The following NELL1 variants were observed in gnomAD, a reference collection of about 807,000 sequenced individuals.
NELL1 encodes the protein protein kinase C-binding protein NELL1.
Under a neutral mutation model 107.4 loss-of-function variants are expected in NELL1, and 76 were observed. The observed-to-expected ratio is 0.71, with a 90% CI of 0.59 to 0.86. The LOEUF (loss-of-function observed/expected upper bound fraction) is 0.86. NELL1 is among the 40% of genes least tolerant of loss of function. The pLI is 0.00. For synonymous variants in NELL1, 353 were observed against 341.2 expected (o/e 1.03, Z -0.38); for missense variants, 1,024 against 1,005.5 (o/e 1.02, Z -0.25).
At chr11:21,398,516 T>C (rs1852029458) in intron 15 of NELL1, among the ~76,000 whole-genome samples, 1 of 151,488 alleles carries the variant, frequency 6.6e-6, no homozygotes, top group African/African-American at 2.4e-5. Flanking sequence ...ATAAATTAGG[T>C]TTGGAAAGAA....
chr11:20,796,537 A>C (rs1231588742), intron 3 of NELL1, among the ~76,000 whole-genome samples: 1 of 71,926 alleles, frequency 1.4e-5, no homozygotes, highest in Admixed American at 1.9e-4. Context: ...AGCAAATTGG[A>C]GACTTGCCCT....
In NELL1 at chr11:20,812,735, G is replaced by A. The variant is rs191159063; in HGVS notation, c.335+28905G>A. Among the ~76,000 whole-genome samples, 202 of 152,196 alleles carry A rather than the reference G, an allele frequency of 1.3e-3. 3 individuals carry two copies. Among genetic ancestry groups the A allele is most frequent in the Admixed American group, 0.012 (183 of 15,296 alleles). ...AAAAGAAATAGCAGAGGGGCCGGGC[G>A]CGGTGGCTCACGCCTGTAATCCCAG... On this transcript the variant is annotated intron_variant, in intron 3 of 19. Coordinates refer to ENST00000357134, the MANE Select transcript of NELL1 (RefSeq NM_006157.5).
chr11:21,137,431 T>C (rs965764227), intron 13 of NELL1, among the ~76,000 whole-genome samples: 1 of 152,204 alleles, frequency 6.6e-6, no homozygotes, highest in African/African-American at 2.4e-5. Context: ...AATTCCATTG[T>C]ATTTGGCAAG....
chr11:21,070,085 C>T (rs1029466265), intron 12 of NELL1, among the ~76,000 whole-genome samples: 1 of 151,784 alleles, frequency 6.6e-6, no homozygotes, highest in African/African-American at 2.4e-5. Flanking sequence ...GTTTGCTCAT[C>T]TCACACCTCG....
chr11:21,396,557 G>A (rs1015062660), intron 15 of NELL1, among the ~76,000 whole-genome samples: 11 of 151,576 alleles, frequency 7.3e-5, no homozygotes, highest in African/African-American at 2.4e-4. Flanking sequence ...CTGAGTACTT[G>A]CCAAGTACAA....
chr11:21,053,853 C>T (rs554728458), intron 12 of NELL1, among the ~76,000 whole-genome samples: 8 of 152,214 alleles, frequency 5.3e-5, no homozygotes, highest in Admixed American at 2.6e-4. Flanking sequence ...CTTTCTGGAG[C>T]GAATGTGTCT....
At chr11:21,466,044 C>T (rs550036147) in intron 15 of NELL1, among the ~76,000 whole-genome samples, 6 of 152,182 alleles carry the variant, frequency 3.9e-5, no homozygotes, top group African/African-American at 1.4e-4. Context: ...GAAACATAGC[C>T]TTCTCATTTT....
chr11:21,214,440 A>G (rs1365027443), intron 13 of NELL1, among the ~76,000 whole-genome samples: 1 of 152,066 alleles, frequency 6.6e-6, no homozygotes, highest in African/African-American at 2.4e-5. Flanking sequence ...GAGTGAAGAT[A>G]TACTCAACAC....
At chr11:20,860,085 T>C (rs775034075) in intron 4 of NELL1, among the ~76,000 whole-genome samples, 26 of 152,202 alleles carry the variant, frequency 1.7e-4, no homozygotes, top group Non-Finnish European at 3.4e-4. Context: ...TTGAGTTCTT[T>C]AGAGGTATCA....
intron 5 of NELL1, among the ~76,000 whole-genome samples, chr11:20,904,914 G>T (rs917447111): frequency 6.6e-6 from 1 of 151,288 alleles, no homozygotes; most frequent in Non-Finnish European, 1.5e-5. Flanking sequence ...CTGCAGCCTT[G>T]ACCTCCTGGG....
intron 12 of NELL1, among the ~76,000 whole-genome samples, chr11:21,002,705 G>A (rs190083020): frequency 1.3e-3 from 200 of 152,250 alleles, no homozygotes; most frequent in African/African-American, 3.5e-3. Context: ...CTCATGTATT[G>A]TGGATCTAAG....
chr11:20,869,860 C>A (rs772606300), intron 4 of NELL1, among the ~76,000 whole-genome samples: 2 of 152,128 alleles, frequency 1.3e-5, no homozygotes, highest in African/African-American at 4.8e-5. Context: ...TTCCTGCATA[C>A]TTTTGTGTTA....
rs75442179 is a variant in NELL1 at position 20,901,870 on chromosome 11, A to G, written c.604-16312A>G. ...CAATGAGGAAAGGATGGATTCATCA[A>G]TACATGGTTAGGAAAATCAGTTATT... On this transcript the variant is annotated intron_variant, in intron 5 of 19. Transcript: ENST00000357134. 1.6e-4 allele frequency among the ~76,000 whole-genome samples: 24 copies of G among 152,252 alleles called. No homozygotes were observed. The East Asian group carries it at 4.2e-3, about 27-fold the overall frequency.
At chr11:21,403,862 A>G (rs987871611) in intron 15 of NELL1, among the ~76,000 whole-genome samples, 3 of 150,396 alleles carry the variant, frequency 2.0e-5, no homozygotes, top group African/African-American at 5.0e-5. Context: ...CCTGAAGCAC[A>G]CTATTTAGCT....
At chr11:21,311,114 C>A (rs1849740982) in intron 14 of NELL1, among the ~76,000 whole-genome samples, 1 of 152,094 alleles carries the variant, frequency 6.6e-6, no homozygotes, top group Non-Finnish European at 1.5e-5. Flanking sequence ...CTTATTGATG[C>A]TGTCAGGAAA....
At chr11:20,926,061 G>C (rs922783225) in intron 7 of NELL1, among the ~76,000 whole-genome samples, 2 of 152,026 alleles carry the variant, frequency 1.3e-5, no homozygotes, top group African/African-American at 4.8e-5. Context: ...AGACATGAAA[G>C]GATAAACATG....
At chr11:21,023,219 A>G (rs939526065) in intron 12 of NELL1, among the ~76,000 whole-genome samples, 2 of 152,102 alleles carry the variant, frequency 1.3e-5, no homozygotes, top group East Asian at 3.9e-4. Flanking sequence ...AGTTCTTTCC[A>G]GAGCCAAGCA....
At chr11:21,284,447 A>G in intron 14 of NELL1, 1 of 458,134 alleles carries the variant, frequency 2.2e-6, no homozygotes, top group Non-Finnish European at 4.4e-6. Flanking sequence ...GGCTGTGCAC[A>G]AGGTCAACAT....
intron 14 of NELL1, among the ~76,000 whole-genome samples, chr11:21,241,885 G>A (rs980314065): frequency 6.9e-6 from 1 of 145,734 alleles, no homozygotes; most frequent in African/African-American, 2.5e-5. Context: ...TGGTTCGACT[G>A]AATTCGATGT....
Sources: gnomAD v4.1 joint callset for allele counts (sites outside exome capture counted in the v4.1 genomes callset) on GRCh38, gnomAD v4.1.1 for gene constraint, MANE v1.5 for transcripts, NCBI Gene and HGNC (gene_info 2026-07-23, HGNC 2026-07-21) for gene names.